SCAF8: variants seen among roughly 807,000 people sequenced by gnomAD.
SCAF8 encodes SR-related and CTD-associated factor 8.
SCAF8 carries 23 observed loss-of-function variants against 140.5 expected under a neutral mutation model. The observed-to-expected ratio is 0.16, with a 90% CI of 0.12 to 0.23. The LOEUF (loss-of-function observed/expected upper bound fraction) is 0.23. SCAF8 is among the 10% of genes least tolerant of loss of function. The probability of loss-of-function intolerance (pLI) is 1.00; values close to 1 mark genes in which losing one functional copy is unlikely to be tolerated. For missense variants in SCAF8, 1,397 were observed against 1,555.7 expected (o/e 0.90, Z 1.72); for synonymous variants, 575 against 528.9 (o/e 1.09, Z -1.20).
chr6:154,753,947 C>T (rs1019405526), intron 1 of SCAF8, among the ~76,000 whole-genome samples: 1 of 152,300 alleles, frequency 6.6e-6, no homozygotes, highest in East Asian at 1.9e-4. Flanking sequence ...AAGTGATCCT[C>T]CCTCCTCGGC....
In SCAF8 at chr6:154,796,389, C is replaced by CTCTCTCTCTGTCTGTCTG. The variant is rs376622207; in HGVS notation, c.606+1253_606+1254insCTCTCTGTCTGTCTGTCT. Among the ~76,000 whole-genome samples, 171 of 141,040 alleles carry CTCTCTCTCTGTCTGTCTG rather than the reference C, an allele frequency of 1.2e-3. 2 individuals carry two copies. Among genetic ancestry groups the CTCTCTCTCTGTCTGTCTG allele is most frequent in the African/African-American group, 4.1e-3 (149 of 36,362 alleles). The allele number at this position is 141,040 out of a possible 152,430, so 92.5% of individuals were successfully genotyped here. A position where few individuals can be genotyped will look rare whatever the true frequency, so the allele number is the denominator to read the frequency against. On this transcript the variant is annotated intron_variant, in intron 6 of 19. Coordinates refer to ENST00000367178, the MANE Select transcript of SCAF8 (RefSeq NM_014892.5). ...TCTCTCTCTCTCTCTCTCTCTCTCT[C>CTCTCTCTCTGTCTGTCTG]TCTGTCTCTCTCTTTTTCTGACCCT...
At chr6:154,734,922 A>G (rs1356266778) in intron 1 of SCAF8, among the ~76,000 whole-genome samples, 1 of 152,180 alleles carries the variant, frequency 6.6e-6, no homozygotes, top group Non-Finnish European at 1.5e-5. Flanking sequence ...CAGGAGTTCA[A>G]GACCAGCCTG....
At chr6:154,801,915 A>G (rs892873704) in intron 6 of SCAF8, 56 bp from the exon 7 acceptor site, 3 of 1,268,994 alleles carry the variant, frequency 2.4e-6, no homozygotes, top group Non-Finnish European at 3.3e-6. Flanking sequence ...TTAGGTGGCC[A>G]CTCTTACAGA....
intron 13 of SCAF8, among the ~76,000 whole-genome samples, chr6:154,816,519 T>G (rs74940227): frequency 8.0e-6 from 1 of 125,258 alleles, no homozygotes; most frequent in Non-Finnish European, 1.7e-5. Context: ...CGTGCTGTCT[T>G]TCTTCCTCCT....
chr6:154,833,006 CAAG>C lies in SCAF8; in HGVS notation c.3431_3433del (p.Glu1144del). The C allele has an allele frequency of 6.2e-7, 1 of 1,614,068 alleles. No individual in the cohort carries two copies. The highest frequency in any genetic ancestry group is 8.5e-7 in the Non-Finnish European group (1 of 1,180,018). On this transcript the variant is annotated inframe_deletion, in exon 20 of 20. Transcript: ENST00000367178. ...TGGTCCTTGGAACCGAGGATTTGGA[CAAG>C]AAGTTCACAGAGATTTTGATGACCG... is the stretch of plus-strand genomic sequence containing the variant.
chr6:154,830,729 A>G (rs778632447), intron 18 of SCAF8, among the ~76,000 whole-genome samples, 193 bp from the exon 19 acceptor site: 22 of 152,092 alleles, frequency 1.4e-4, no homozygotes, highest in Non-Finnish European at 2.5e-4. Flanking sequence ...AGTTTTCCCT[A>G]TTTTTGGATA....
intron 2 of SCAF8, among the ~76,000 whole-genome samples, chr6:154,775,341 T>C (rs1395558780): frequency 6.6e-6 from 1 of 152,222 alleles, no homozygotes; most frequent in East Asian, 1.9e-4. Context: ...TGGAATAATT[T>C]TATTCTCTTG....
chr6:154,825,611 G>C (rs1037519832), intron 17 of SCAF8, among the ~76,000 whole-genome samples: 2 of 126,722 alleles, frequency 1.6e-5, no homozygotes, highest in Admixed American at 1.9e-4. Flanking sequence ...AACTGTGTTC[G>C]CACCACTACA....
Position 154,818,465 on chromosome 6 carries a change from A to T in SCAF8, c.1522-14A>T, listed in dbSNP as rs1237456520. 4.0e-6 allele frequency: 6 copies of T among 1,501,218 alleles called. No individual in the cohort carries two copies. The highest frequency in any genetic ancestry group is 2.5e-5 in the South Asian group (2 of 81,168). The allele number at this position is 1,501,218 out of a possible 1,614,324, so 93.0% of individuals were successfully genotyped here. On this transcript the variant is annotated splice_polypyrimidine_tract_variant and intron_variant, in intron 13 of 19. Transcript: ENST00000367178. ...TGTTCTTATACCTTTTCTTAAAACA[A>T]TTTTTTTTATTAGATGATTCCTCCC...
rs57095332 is a variant in SCAF8 at position 154,790,489 on chromosome 6, A to ATTTTTTTTTT, written c.322-2304_322-2295dup. On this transcript the variant is annotated intron_variant, in intron 4 of 19. Coordinates refer to ENST00000367178, the MANE Select transcript of SCAF8 (RefSeq NM_014892.5). ...TTGTAAAACATATACATTTAACAGA[A>ATTTTTTTTTT]TTTTTTTTTTTTTTTTTTTTTTTTT... Among the ~76,000 whole-genome samples, 76 of 70,878 alleles carry ATTTTTTTTTT rather than the reference A, an allele frequency of 1.1e-3. 11 individuals are homozygous for ATTTTTTTTTT. The highest frequency in any genetic ancestry group is 1.6e-3 in the Admixed American group (7 of 4,504). 46.5% of individuals were successfully genotyped at this position (70,878 alleles called of 152,430 possible).
At position 154,779,797 on chromosome 6, in the gene SCAF8, A is replaced by G. The variant is rs1429489975; in HGVS notation, c.159+1752A>G. On this transcript the variant is annotated intron_variant, in intron 3 of 19. Coordinates refer to ENST00000367178, the MANE Select transcript of SCAF8 (RefSeq NM_014892.5). ...TGTGTGTGTGTATATATATATATAT[A>G]TATACACTTTTTTTTTATACTTTTG... Among the ~76,000 whole-genome samples the G allele has an allele frequency of 4.2e-5, 6 of 142,680 alleles. No individual in the cohort carries two copies. In the East Asian group the frequency reaches 9.9e-4, roughly 23 times the overall value. 93.6% of individuals were successfully genotyped at this position (142,680 alleles called of 152,430 possible). A position where few individuals can be genotyped will look rare whatever the true frequency, so the allele number is the denominator to read the frequency against.
intron 4 of SCAF8, among the ~76,000 whole-genome samples, chr6:154,790,380 A>G (rs758721787): frequency 2.0e-4 from 31 of 152,176 alleles, no homozygotes; most frequent in South Asian, 8.3e-4. Context: ...TGTAGTTTGG[A>G]CATAGTTTAA....
At chr6:154,747,859 A>G (rs1582998490) in intron 1 of SCAF8, among the ~76,000 whole-genome samples, 2 of 151,642 alleles carry the variant, frequency 1.3e-5, no homozygotes, top group East Asian at 3.9e-4. Context: ...GAAAAACCAA[A>G]ACAAGCCTCT....
At chr6:154,749,506 G>C (rs899399420) in intron 1 of SCAF8, among the ~76,000 whole-genome samples, 9 of 152,086 alleles carry the variant, frequency 5.9e-5, no homozygotes, top group African/African-American at 2.2e-4. Flanking sequence ...TGATGGGGTG[G>C]GGCTGGGAAT....
At chr6:154,765,935 A>C (rs931260568) in intron 1 of SCAF8, among the ~76,000 whole-genome samples, 5 of 152,152 alleles carry the variant, frequency 3.3e-5, no homozygotes, top group Non-Finnish European at 5.9e-5. Context: ...CGTGTAGCTG[A>C]AAATCATATA....
chr6:154,777,813 C>T (rs1006262370), intron 2 of SCAF8, among the ~76,000 whole-genome samples, 188 bp from the exon 3 acceptor site: 14 of 152,230 alleles, frequency 9.2e-5, no homozygotes, highest in Non-Finnish European at 1.5e-4. Context: ...TTTAGAGAAG[C>T]CCTTTACTAA....
intron 1 of SCAF8, among the ~76,000 whole-genome samples, chr6:154,764,696 G>A (rs1284151062): frequency 6.6e-6 from 1 of 152,140 alleles, no homozygotes; most frequent in Non-Finnish European, 1.5e-5. Flanking sequence ...TAGCTGGAGA[G>A]CCCAAGCCTT....
At chr6:154,747,791 G>A (rs1778738830) in intron 1 of SCAF8, among the ~76,000 whole-genome samples, 1 of 150,792 alleles carries the variant, frequency 6.6e-6, no homozygotes, top group Non-Finnish European at 1.5e-5. Context: ...TTTTTGCATT[G>A]ACCACGTGCA....
At chr6:154,784,126 T>TATATATATATAG (rs1777171502) in intron 3 of SCAF8, among the ~76,000 whole-genome samples, 1 of 57,674 alleles carries the variant, frequency 1.7e-5, no homozygotes, top group Non-Finnish European at 2.8e-5. Context: ...TTGAGATATA[T>TATATATATATAG]ATATATATAT....
Sources: gnomAD v4.1 joint callset for allele counts (sites outside exome capture counted in the v4.1 genomes callset) on GRCh38, gnomAD v4.1.1 for gene constraint, MANE v1.5 for transcripts, NCBI Gene and HGNC (gene_info 2026-07-23, HGNC 2026-07-21) for gene names.